COX20: variants seen among roughly 807,000 people sequenced by gnomAD.
COX20 encodes the protein cytochrome c oxidase assembly protein COX20, mitochondrial.
Under a neutral mutation model 14.3 loss-of-function variants are expected in COX20, and 14 were observed. The observed-to-expected ratio is 0.98, with a 90% CI of 0.65 to 1.53. The LOEUF is 1.53. Ranked by LOEUF, COX20 falls within the 40% of genes most tolerant of loss-of-function variation. The pLI is 0.00. For missense variants in COX20, 149 were observed against 142.1 expected (o/e 1.05, Z -0.25); for synonymous variants, 56 against 51.7 (o/e 1.08, Z -0.36).
At chr1:244,835,851 T>C (rs80005339) in intron 1 of COX20, 95 bp downstream of exon 1, 11,712 of 883,454 alleles carry the variant, frequency 0.013, 97 homozygotes, top group Non-Finnish European at 0.016. Flanking sequence ...TGTCACTGGC[T>C]TCTCTGCCAC....
intron 3 of COX20, 178 bp downstream of exon 3, chr1:244,842,436 T>G (rs1680245599): frequency 1.7e-6 from 1 of 577,416 alleles, no homozygotes; most frequent in East Asian, 2.8e-5. Flanking sequence ...AAATGCATAT[T>G]AGACATCCCA....
intron 1 of COX20, among the ~76,000 whole-genome samples, chr1:244,837,291 C>A (rs1680023445): frequency 6.6e-6 from 1 of 152,100 alleles, no homozygotes; most frequent in South Asian, 2.1e-4. Flanking sequence ...CAGAGCCCAT[C>A]AAAAAGCTAA....
intron 1 of COX20, among the ~76,000 whole-genome samples, chr1:244,836,823 G>A (rs984305728): frequency 6.6e-5 from 10 of 152,052 alleles, no homozygotes; most frequent in African/African-American, 2.4e-4. Flanking sequence ...CATGACATCA[G>A]ATCATATGGT....
rs745915211 is a variant in COX20 at position 244,841,815 on chromosome 1, G to A, written c.43-129G>A. On this transcript the variant is annotated intron_variant, in intron 1 of 3. Coordinates refer to ENST00000411948, the MANE Select transcript of COX20 (RefSeq NM_198076.6). ...AAGACAACGCAAGCTGATTTAGGTT[G>A]TCACGTGGCACATACTCTAGTTTAA... The A allele has an allele frequency of 6.6e-6, 4 of 608,572 alleles. No homozygotes were observed. In the Admixed American group the frequency reaches 9.0e-5, roughly 14 times the overall value. 37.7% of individuals were successfully genotyped at this position (608,572 alleles called of 1,614,324 possible). A position where few individuals can be genotyped will look rare whatever the true frequency, so the allele number is the denominator to read the frequency against.
intron 1 of COX20, among the ~76,000 whole-genome samples, chr1:244,836,265 T>G (rs903971339): frequency 6.6e-6 from 1 of 152,186 alleles, no homozygotes; most frequent in Admixed American, 6.5e-5. Flanking sequence ...GTCTCCATAC[T>G]CTCCTGAATC....
intron 1 of COX20, among the ~76,000 whole-genome samples, chr1:244,837,145 T>G (rs1680015976): frequency 6.6e-6 from 1 of 151,812 alleles, no homozygotes. Context: ...CATTGACCTA[T>G]TTAACTGGCC....
intron 1 of COX20, chr1:244,840,846 C>A (rs1476855161): frequency 6.6e-6 from 1 of 152,158 alleles, no homozygotes; most frequent in African/African-American, 2.4e-5. Flanking sequence ...CTAGGTATCA[C>A]CTCATCCTAT....
intron 1 of COX20, among the ~76,000 whole-genome samples, chr1:244,837,345 G>A (rs1680025819): frequency 6.6e-6 from 1 of 152,192 alleles, no homozygotes; most frequent in African/African-American, 2.4e-5. Flanking sequence ...CCAAGGTGCT[G>A]TCAGAAAGGA....
rs992563755 is a variant in COX20, at chr1:244,844,190, A to G, written c.*1014A>G. ...GAAAATATTAGTTATTTTGATCTAC[A>G]TCTTTTTCTAAAGAAAAGTGGAGCT... On this transcript the variant is annotated 3_prime_UTR_variant, in exon 4 of 4. Transcript: ENST00000411948. The G allele has an allele frequency of 1.3e-5, 2 of 152,194 alleles. No homozygotes were observed. The highest frequency in any genetic ancestry group is 2.4e-5 in the African/African-American group (1 of 41,456). 9.4% of individuals were successfully genotyped at this position (152,194 alleles called of 1,614,324 possible).
At chr1:244,838,839 C>T (rs1430016319) in intron 1 of COX20, among the ~76,000 whole-genome samples, 1 of 152,034 alleles carries the variant, frequency 6.6e-6, no homozygotes, top group Non-Finnish European at 1.5e-5. Context: ...GTTGCCCAGG[C>T]TGGAGTGCAG....
At chr1:244,837,854 G>C (rs1680044894) in intron 1 of COX20, among the ~76,000 whole-genome samples, 1 of 152,198 alleles carries the variant, frequency 6.6e-6, no homozygotes, top group African/African-American at 2.4e-5. Context: ...ATATGAAAGA[G>C]CATGGGATCA....
chr1:244,835,818 G>T, intron 1 of COX20, 62 bp downstream of exon 1: 1 of 1,164,408 alleles, frequency 8.6e-7, no homozygotes, highest in Non-Finnish European at 1.1e-6. Context: ...CGTTCTCCGC[G>T]GAGCTCCTAG....
At chr1:244,836,502 A>C in intron 1 of COX20, 1 of 1,550,620 alleles carries the variant, frequency 6.4e-7, no homozygotes, top group Non-Finnish European at 8.7e-7. Context: ...GTACGTCGTT[A>C]CATTTATCAT....
chr1:244,837,713 T>A (rs910674628), intron 1 of COX20, among the ~76,000 whole-genome samples: 37 of 152,266 alleles, frequency 2.4e-4, no homozygotes, highest in African/African-American at 7.7e-4. Context: ...GAGGAATCAA[T>A]AAGCAAGACT....
At chr1:244,835,586 G>T, upstream of COX20, 1 of 598,568 alleles carries the variant, frequency 1.7e-6, no homozygotes, top group East Asian at 3.5e-5. Context: ...CTAAAATGGC[G>T]GCCGGCGCGT....
At position 244,844,042 on chromosome 1, in the gene COX20, T is replaced by C. The variant is rs1181261948; in HGVS notation, c.*866T>C. 6.6e-6 allele frequency: 1 copy of C among 152,150 alleles called. No individual in the cohort carries two copies. Among genetic ancestry groups the C allele is most frequent in the African/African-American group, 2.4e-5 (1 of 41,418 alleles). 9.4% of individuals were successfully genotyped at this position (152,150 alleles called of 1,614,324 possible). ...CTGTTAAATATAACAAAACACAAGC[T>C]AGATGCTTAAGAAATGCTTAAAGAA... On this transcript the variant is annotated 3_prime_UTR_variant, in exon 4 of 4. Transcript: ENST00000411948.
At chr1:244,836,445 T>C in intron 1 of COX20, 1 of 1,542,916 alleles carries the variant, frequency 6.5e-7, no homozygotes, top group Non-Finnish European at 8.8e-7. Context: ...GCTCCTGTGT[T>C]TCACCAAAGC....
Position 244,844,808 on chromosome 1 carries a change from G to A in COX20, c.*1632G>A, listed in dbSNP as rs1255647448. 1 of 151,730 alleles carries A rather than the reference G, an allele frequency of 6.6e-6. No individual in the cohort carries two copies. The highest frequency in any genetic ancestry group is 1.5e-5 in the Non-Finnish European group (1 of 67,976). 9.4% of individuals were successfully genotyped at this position (151,730 alleles called of 1,614,324 possible). On this transcript the variant is annotated 3_prime_UTR_variant, in exon 4 of 4. Transcript: ENST00000411948. ...CATAGGATGTTCAACCATGTTTTCAGAGGCCGCACTGCATGAATGCGGGAA... is the reference window on the plus strand; with the variant it reads ...CATAGGATGTTCAACCATGTTTTCAAAGGCCGCACTGCATGAATGCGGGAA...
At chr1:244,839,877 T>C (rs1358622405) in intron 1 of COX20, 1 of 152,234 alleles carries the variant, frequency 6.6e-6, no homozygotes, top group Non-Finnish European at 1.5e-5. Context: ...CAACACTTAT[T>C]ATTAGCCTCT....
Sources: gnomAD v4.1 joint callset for allele counts (sites outside exome capture counted in the v4.1 genomes callset) on GRCh38, gnomAD v4.1.1 for gene constraint, MANE v1.5 for transcripts, NCBI Gene and HGNC (gene_info 2026-07-23, HGNC 2026-07-21) for gene names.